The following PRKCA variants were observed in gnomAD, a reference collection of about 807,000 sequenced individuals.
PRKCA encodes protein kinase C alpha type.
A neutral mutation model predicts 87.0 loss-of-function variants in PRKCA; 27 were observed. That is an observed-to-expected ratio of 0.31 (90% CI 0.23 to 0.43). The LOEUF (loss-of-function observed/expected upper bound fraction) is 0.43, where lower values mean the gene tolerates loss of function less well. PRKCA is among the 20% of genes least tolerant of loss of function. The pLI is 1.00. For missense variants in PRKCA, 518 were observed against 852.3 expected, an observed-to-expected ratio of 0.61 and a Z score of 4.88; for synonymous variants, 329 against 311.1, an observed-to-expected ratio of 1.06 and a Z score of -0.61.
chr17:66,445,474 C>T (rs528685571), intron 2 of PRKCA, among the ~76,000 whole-genome samples: 1 of 152,328 alleles, frequency 6.6e-6, no homozygotes, highest in South Asian at 2.1e-4. Flanking sequence ...GGAGGAACTC[C>T]CCCATTCTTA....
intron 3 of PRKCA, among the ~76,000 whole-genome samples, chr17:66,577,751 G>T (rs1469399887): frequency 6.6e-6 from 1 of 152,120 alleles, no homozygotes; most frequent in Non-Finnish European, 1.5e-5. Context: ...GAGGTCCACA[G>T]CATGAGTTTA....
At chr17:66,424,207 G>A (rs7502206) in intron 2 of PRKCA, among the ~76,000 whole-genome samples, 1 of 152,012 alleles carries the variant, frequency 6.6e-6, no homozygotes, top group Non-Finnish European at 1.5e-5. Flanking sequence ...TGGATATTAC[G>A]CATGATGATG....
intron 2 of PRKCA, among the ~76,000 whole-genome samples, chr17:66,323,067 A>G (rs897277757): frequency 1.3e-5 from 2 of 152,142 alleles, no homozygotes; most frequent in Non-Finnish European, 2.9e-5. Flanking sequence ...CTATAGTTTG[A>G]TCTTGCATAT....
chr17:66,562,585 G>GTT (rs10523714), intron 3 of PRKCA, among the ~76,000 whole-genome samples: 2 of 149,056 alleles, frequency 1.3e-5, no homozygotes, highest in Non-Finnish European at 1.5e-5. Context: ...GCTAAGTTTT[G>GTT]TTTTTTTTTG....
In PRKCA at chr17:66,775,831, G is replaced by A. The variant is rs551115198; in HGVS notation, c.1605+1764G>A. ...AAAACAGACGAGAATCCTTAACTTC[G>A]TGAAGCTTACAGCTTAGAGGAGGAG... On this transcript the variant is annotated intron_variant, in intron 14 of 16. Coordinates refer to ENST00000413366, the MANE Select transcript of PRKCA (RefSeq NM_002737.3). 118 of 920,420 alleles carry A rather than the reference G, an allele frequency of 1.3e-4. 1 individual carries two copies. The South Asian group carries it at 2.7e-3, about 21-fold the overall frequency. The allele number at this position is 920,420 out of a possible 1,614,324, so 57.0% of individuals were successfully genotyped here. A position where few individuals can be genotyped will look rare whatever the true frequency, so the allele number is the denominator to read the frequency against.
At chr17:66,777,152 G>A in intron 14 of PRKCA, 1 of 926,930 alleles carries the variant, frequency 1.1e-6, no homozygotes, top group Non-Finnish European at 1.3e-6. Context: ...GGTGGGTAGG[G>A]GGAGCCCTCT....
At chr17:66,605,701 CTAAG>C (rs1186181605) in intron 3 of PRKCA, among the ~76,000 whole-genome samples, 1 of 152,126 alleles carries the variant, frequency 6.6e-6, no homozygotes, top group Non-Finnish European at 1.5e-5. Flanking sequence ...TGATGAATGG[CTAAG>C]TAAGTGTGAT....
At chr17:66,437,758 G>T (rs1057096385) in intron 2 of PRKCA, among the ~76,000 whole-genome samples, 1 of 147,506 alleles carries the variant, frequency 6.8e-6, no homozygotes, top group Non-Finnish European at 1.5e-5. Context: ...GGGCGGGGGC[G>T]GCTTCAAACT....
intron 2 of PRKCA, among the ~76,000 whole-genome samples, chr17:66,360,542 C>G (rs545816640): frequency 6.6e-6 from 1 of 152,276 alleles, no homozygotes; most frequent in Non-Finnish European, 1.5e-5. Flanking sequence ...GGAAGAAACC[C>G]TAAGGTGGAT....
chr17:66,571,671 C>T (rs556903075), intron 3 of PRKCA, among the ~76,000 whole-genome samples: 1 of 152,258 alleles, frequency 6.6e-6, no homozygotes, highest in Admixed American at 6.5e-5. Flanking sequence ...AGGAAACAAA[C>T]TATTGACCTA....
Position 66,463,398 on chromosome 17 carries a change from A to T in PRKCA, c.206-32803A>T, listed in dbSNP as rs556635277. Among the ~76,000 whole-genome samples the T allele has an allele frequency of 5.3e-3, 796 of 150,484 alleles. 6 individuals carry two copies. Among genetic ancestry groups the T allele is most frequent in the African/African-American group, 0.018 (743 of 41,050 alleles). ...TGATTCTGTGTTTTTTTTTTTTTAAATTTTTTTATTTTTTTGAGACGAAGT... is the reference window on the plus strand; with the variant it reads ...TGATTCTGTGTTTTTTTTTTTTTAATTTTTTTTATTTTTTTGAGACGAAGT... On this transcript the variant is annotated intron_variant, in intron 2 of 16. Coordinates refer to ENST00000413366, the MANE Select transcript of PRKCA (RefSeq NM_002737.3).
chr17:66,799,334 ATGGTGG>A (rs1193535780), intron 16 of PRKCA, among the ~76,000 whole-genome samples: 4 of 1,084 alleles, frequency 3.7e-3, no homozygotes, highest in Non-Finnish European at 4.3e-3. Context: ...GGTGGTGGTG[ATGGTGG>A]TGGTGGTGGT....
chr17:66,317,515 T>C (rs1024389592), intron 2 of PRKCA, among the ~76,000 whole-genome samples: 1 of 152,236 alleles, frequency 6.6e-6, no homozygotes, highest in Non-Finnish European at 1.5e-5. Flanking sequence ...AAGCTGTAAT[T>C]TGAAATTGGG....
At chr17:66,555,212 A>T (rs567021142) in intron 3 of PRKCA, among the ~76,000 whole-genome samples, 1 of 152,300 alleles carries the variant, frequency 6.6e-6, no homozygotes, top group South Asian at 2.1e-4. Context: ...CAGGTATCGT[A>T]TCTTTCTGTG....
chr17:66,625,781 C>T (rs1354252920), intron 3 of PRKCA, among the ~76,000 whole-genome samples: 1 of 152,166 alleles, frequency 6.6e-6, no homozygotes, highest in Non-Finnish European at 1.5e-5. Flanking sequence ...GGGTCAGGCC[C>T]GTTAATTGAG....
intron 2 of PRKCA, among the ~76,000 whole-genome samples, chr17:66,413,916 A>C (rs574259543): frequency 2.6e-5 from 4 of 151,854 alleles, no homozygotes; most frequent in African/African-American, 9.7e-5. Flanking sequence ...GGGGAGGCTG[A>C]GGCAGGAGAA....
intron 2 of PRKCA, among the ~76,000 whole-genome samples, chr17:66,418,951 G>A (rs956339845): frequency 6.7e-6 from 1 of 150,338 alleles, no homozygotes; most frequent in African/African-American, 2.4e-5. Context: ...TAGTAGAGAA[G>A]GGGTTTCACC....
intron 8 of PRKCA, among the ~76,000 whole-genome samples, chr17:66,723,967 C>G (rs1302052752): frequency 2.0e-5 from 3 of 152,150 alleles, no homozygotes; most frequent in African/African-American, 7.2e-5. Context: ...TGGAAAGGGT[C>G]TCAGAGACGA....
At chr17:66,721,676 T>C (rs1973620232) in intron 8 of PRKCA, among the ~76,000 whole-genome samples, 1 of 152,172 alleles carries the variant, frequency 6.6e-6, no homozygotes, top group Non-Finnish European at 1.5e-5. Flanking sequence ...TAGCATATAA[T>C]GAGCAGCAAG....
Sources: gnomAD v4.1 joint callset for allele counts (sites outside exome capture counted in the v4.1 genomes callset) on GRCh38, gnomAD v4.1.1 for gene constraint, MANE v1.5 for transcripts, NCBI Gene and HGNC (gene_info 2026-07-23, HGNC 2026-07-21) for gene names.